Variants in DMRT1 observed in about 807,000 individuals in gnomAD.
DMRT1 encodes the protein doublesex and mab-3 related transcription factor 1.
In DMRT1, 7 loss-of-function variants were observed where a neutral mutation model predicts 32.3. That is an observed-to-expected ratio of 0.22 (90% CI 0.12 to 0.41). DMRT1 has a LOEUF of 0.41. Ranked by LOEUF, DMRT1 falls within the 10% of genes least tolerant of loss-of-function variation. The pLI is 1.00. For missense variants in DMRT1, 625 were observed against 500.5 expected (o/e 1.25, Z -2.37); for synonymous variants, 278 against 206.1 (o/e 1.35, Z -2.99).
intron 4 of DMRT1, among the ~76,000 whole-genome samples, chr9:939,500 A>G (rs1189410085): frequency 6.6e-6 from 1 of 152,108 alleles, no homozygotes; most frequent in East Asian, 1.9e-4. Flanking sequence ...AAACTTCCCC[A>G]CACATGCTGA....
chr9:862,659 C>T (rs12352845), intron 2 of DMRT1, among the ~76,000 whole-genome samples: 10,157 of 151,996 alleles, frequency 0.067, 384 homozygotes, highest in African/African-American at 0.087. Flanking sequence ...GCTGCTTAGG[C>T]TGGGGTGGTG....
In DMRT1 at chr9:894,156, C is replaced by T. The variant is rs34946058; in HGVS notation, c.783C>T (p.Pro261=). 3.1e-3 allele frequency: 4,980 copies of T among 1,614,034 alleles called. 129 individuals carry two copies. The African/African-American group carries it at 0.057, about 19-fold the overall frequency. ...SPVKNSLRGL[P]GPYVPGQTGN... is the part of the protein sequence containing the mutation. ...TGAAGAACAGCCTTCGGGGCCTCCCCGGACCTTATGTGCCTGGTCAGACAG... is the reference window on the plus strand; with the variant it reads ...TGAAGAACAGCCTTCGGGGCCTCCCTGGACCTTATGTGCCTGGTCAGACAG... Residue 261 remains proline (P), a synonymous_variant, in exon 3 of 5, where the codon CCC becomes CCT. Coordinates refer to ENST00000382276, the MANE Select transcript of DMRT1 (RefSeq NM_021951.3).
intron 2 of DMRT1, among the ~76,000 whole-genome samples, chr9:865,215 T>C (rs900206554): frequency 1.3e-5 from 2 of 152,234 alleles, no homozygotes; most frequent in Non-Finnish European, 1.5e-5. Flanking sequence ...AAGAGATTTG[T>C]TGTTATCTTG....
chr9:848,212 A>G (rs983616623), intron 2 of DMRT1, among the ~76,000 whole-genome samples: 14 of 152,336 alleles, frequency 9.2e-5, no homozygotes, highest in African/African-American at 3.4e-4. Context: ...AAGTCACACA[A>G]CTATATATTA....
intron 4 of DMRT1, among the ~76,000 whole-genome samples, chr9:920,435 A>T (rs916900699): frequency 1.3e-5 from 2 of 152,180 alleles, no homozygotes; most frequent in African/African-American, 2.4e-5. Context: ...TGATATGTCA[A>T]ATGAGATGAG....
Position 936,566 on chromosome 9 carries a change from A to G in DMRT1, c.967+19659A>G, listed in dbSNP as rs951780594. ...CAGGAGTTCGAGACCAGCCTGGCCA[A>G]CATGGCGAAACCCTGTCTCTACTAA... On this transcript the variant is annotated intron_variant, in intron 4 of 4. Transcript: ENST00000382276. Among the ~76,000 whole-genome samples, 10 of 152,234 alleles carry G rather than the reference A, an allele frequency of 6.6e-5. No individual in the cohort carries two copies. The East Asian group carries it at 1.9e-3, about 29-fold the overall frequency.
intron 2 of DMRT1, among the ~76,000 whole-genome samples, chr9:872,305 C>A (rs1816306836): frequency 1.3e-5 from 2 of 152,094 alleles, no homozygotes; most frequent in South Asian, 2.1e-4. Flanking sequence ...TTGTGATCCA[C>A]CCGCCTTGGC....
intron 4 of DMRT1, among the ~76,000 whole-genome samples, chr9:967,576 A>G (rs1819968927): frequency 6.6e-6 from 1 of 152,198 alleles, no homozygotes; most frequent in Non-Finnish European, 1.5e-5. Context: ...CGTGGTGGAA[A>G]TGCATGGGTG....
intron 2 of DMRT1, among the ~76,000 whole-genome samples, chr9:890,600 C>T (rs1817107076): frequency 1.3e-5 from 2 of 152,186 alleles, no homozygotes; most frequent in South Asian, 2.1e-4. Context: ...TTCCCACACA[C>T]TCAGCCAGTG....
chr9:933,525 C>T (rs1215055034), intron 4 of DMRT1, among the ~76,000 whole-genome samples: 1 of 152,198 alleles, frequency 6.6e-6, no homozygotes, highest in Admixed American at 6.5e-5. Flanking sequence ...CCTTATCTCT[C>T]CTGACCGGGT....
chr9:964,406 CAGATACT>C (rs1457942798), intron 4 of DMRT1, among the ~76,000 whole-genome samples: 1 of 152,000 alleles, frequency 6.6e-6, no homozygotes, highest in Non-Finnish European at 1.5e-5. Context: ...TGAGAGAAAA[CAGATACT>C]AGATTTGCTG....
At chr9:944,533 T>G (rs986129398) in intron 4 of DMRT1, among the ~76,000 whole-genome samples, 1 of 152,226 alleles carries the variant, frequency 6.6e-6, no homozygotes, top group Non-Finnish European at 1.5e-5. Context: ...GTCCTCCTGA[T>G]TGTTTGCATT....
At chr9:923,126 C>G (rs111945344) in intron 4 of DMRT1, among the ~76,000 whole-genome samples, 3 of 152,298 alleles carry the variant, frequency 2.0e-5, no homozygotes, top group Admixed American at 6.5e-5. Context: ...GCTTGCACCT[C>G]AGGGAGTGGA....
At chr9:893,309 T>A (rs1272004441) in intron 2 of DMRT1, among the ~76,000 whole-genome samples, 1 of 152,270 alleles carries the variant, frequency 6.6e-6, no homozygotes, top group Non-Finnish European at 1.5e-5. Flanking sequence ...CTGCCTGTTT[T>A]TATAAATAAA....
rs79201180 is a variant in DMRT1 at position 867,035 on chromosome 9, A to G, written c.538+19892A>G. On this transcript the variant is annotated intron_variant, in intron 2 of 4. Coordinates refer to ENST00000382276, the MANE Select transcript of DMRT1 (RefSeq NM_021951.3). ...CTAGAGAGAATCCAGGGGAAGGGCA[A>G]CAAAAATGATGTATGACTTGGAGAG... Among the ~76,000 whole-genome samples the G allele has an allele frequency of 9.1e-4, 139 of 152,284 alleles. 1 individual carries two copies. In the East Asian group the frequency reaches 0.025, roughly 27 times the overall value.
At chr9:928,310 T>G (rs979066104) in intron 4 of DMRT1, among the ~76,000 whole-genome samples, 2 of 152,216 alleles carry the variant, frequency 1.3e-5, no homozygotes, top group Non-Finnish European at 2.9e-5. Flanking sequence ...CTGTTAAGTA[T>G]AGCAGGATTG....
At chr9:866,575 A>G (rs887150864) in intron 2 of DMRT1, among the ~76,000 whole-genome samples, 26 of 152,202 alleles carry the variant, frequency 1.7e-4, no homozygotes, top group Non-Finnish European at 2.6e-4. Context: ...CAGATTTTTC[A>G]TTAGGGGCAA....
intron 4 of DMRT1, among the ~76,000 whole-genome samples, chr9:962,894 A>G (rs1819820075): frequency 6.6e-6 from 1 of 152,144 alleles, no homozygotes; most frequent in Non-Finnish European, 1.5e-5. Flanking sequence ...CCAGATTCTC[A>G]GACTCCCGGG....
At chr9:904,898 C>T (rs900894008) in intron 3 of DMRT1, among the ~76,000 whole-genome samples, 9 of 150,564 alleles carry the variant, frequency 6.0e-5, no homozygotes, top group Admixed American at 3.3e-4. Flanking sequence ...GCCGAGATTG[C>T]GCCACTGTAC....
Sources: gnomAD v4.1 joint callset for allele counts (sites outside exome capture counted in the v4.1 genomes callset) on GRCh38, gnomAD v4.1.1 for gene constraint, MANE v1.5 for transcripts, NCBI Gene and HGNC (gene_info 2026-07-23, HGNC 2026-07-21) for gene names.